Variants in GLIS3 observed in about 807,000 individuals in gnomAD.
GLIS3 encodes the protein GLIS family zinc finger 3.
GLIS3 carries 53 observed loss-of-function variants against 78.6 expected under a neutral mutation model. The observed-to-expected ratio is 0.67, with a 90% CI of 0.54 to 0.85. The LOEUF is 0.85. Ranked by LOEUF, GLIS3 falls within the 40% of genes least tolerant of loss-of-function variation. GLIS3 has a pLI of 0.00. For synonymous variants in GLIS3, 684 were observed against 509.9 expected, an observed-to-expected ratio of 1.34 and a Z score of -4.60; for missense variants, 1,703 against 1,231.1, an observed-to-expected ratio of 1.38 and a Z score of -5.74.
rs182152549 is a variant in GLIS3 at position 4,089,853 on chromosome 9, C to A, written c.1710+27915G>T. 3.9e-4 allele frequency among the ~76,000 whole-genome samples: 60 copies of A among 152,278 alleles called. 1 individual carries two copies. In the East Asian group the frequency reaches 7.7e-3, roughly 20 times the overall value. On this transcript the variant is annotated intron_variant, in intron 4 of 10. Coordinates refer to ENST00000381971, the MANE Select transcript of GLIS3 (RefSeq NM_001042413.2). ...AAAAACCCATAAAAAATTGAATTCT[C>A]AGGTGTCTCCACTAATTAGACAGTG...
chr9:3,989,124 C>T lies in GLIS3; in HGVS notation c.1711-51935G>A, dbSNP rs564602367. ...TATTTAACTAAAGAGGATATACAGA[C>T]GGTAAATAAGCATATGAGAAGATGT... On this transcript the variant is annotated intron_variant, in intron 4 of 10. Coordinates refer to ENST00000381971, the MANE Select transcript of GLIS3 (RefSeq NM_001042413.2). 3.0e-4 allele frequency among the ~76,000 whole-genome samples: 46 copies of T among 152,140 alleles called. No individual in the cohort carries two copies. In the South Asian group the frequency reaches 4.4e-3, roughly 14 times the overall value.
chr9:4,102,113 A>G (rs967352895), intron 4 of GLIS3, among the ~76,000 whole-genome samples: 1 of 152,210 alleles, frequency 6.6e-6, no homozygotes, highest in African/African-American at 2.4e-5. Context: ...CTCCACCAGA[A>G]GAAGATAAAT....
At chr9:4,263,425 G>T (rs1349193024) in intron 2 of GLIS3, among the ~76,000 whole-genome samples, 2 of 152,026 alleles carry the variant, frequency 1.3e-5, no homozygotes, top group African/African-American at 4.8e-5. Flanking sequence ...GATGCCAGGT[G>T]TATGTTTTAT....
At chr9:4,190,703 G>A (rs1352154141) in intron 2 of GLIS3, among the ~76,000 whole-genome samples, 3 of 152,064 alleles carry the variant, frequency 2.0e-5, no homozygotes, top group Non-Finnish European at 4.4e-5. Context: ...TACTCCTCGA[G>A]AAGAGCAACT....
chr9:4,462,632 C>G, the GLIS3 span, among the ~76,000 whole-genome samples: 2 of 138,990 alleles, frequency 1.4e-5, no homozygotes, highest in Non-Finnish European at 3.1e-5. Context: ...CACACACACA[C>G]AGACACGCAC....
intron 9 of GLIS3, among the ~76,000 whole-genome samples, chr9:3,852,939 T>G (rs1819526761): frequency 6.6e-6 from 1 of 152,162 alleles, no homozygotes; most frequent in Non-Finnish European, 1.5e-5. Context: ...CCAGCACAGG[T>G]GACTCACACC....
At chr9:3,964,331 G>GA (rs1192902356) in intron 4 of GLIS3, among the ~76,000 whole-genome samples, 1 of 152,038 alleles carries the variant, frequency 6.6e-6, no homozygotes, top group Non-Finnish European at 1.5e-5. Context: ...ATGTTTCAAT[G>GA]AAAAAAATCT....
intron 2 of GLIS3, among the ~76,000 whole-genome samples, chr9:4,187,982 C>G (rs1233336126): frequency 6.6e-6 from 1 of 152,042 alleles, no homozygotes; most frequent in Non-Finnish European, 1.5e-5. Flanking sequence ...ACTGAATACC[C>G]TTTATTTCCT....
chr9:4,416,822 T>TG, the GLIS3 span, among the ~76,000 whole-genome samples: 9,525 of 147,064 alleles, frequency 0.065, 693 homozygotes, highest in East Asian at 0.26. Context: ...GTTTTTTTTT[T>TG]TTTTTTTTTT....
intron 1 of GLIS3, among the ~76,000 whole-genome samples, chr9:4,287,115 T>A (rs999215896): frequency 1.3e-5 from 2 of 152,220 alleles, no homozygotes; most frequent in Non-Finnish European, 2.9e-5. Context: ...CAAATATTCA[T>A]GGCAGCATTA....
the GLIS3 span, among the ~76,000 whole-genome samples, chr9:4,369,701 T>C: frequency 6.6e-6 from 1 of 152,182 alleles, no homozygotes; most frequent in Admixed American, 6.5e-5. Context: ...CAAATGTGAT[T>C]ATTGGAAGAC....
At chr9:4,005,698 T>A (rs1273731599) in intron 4 of GLIS3, among the ~76,000 whole-genome samples, 1 of 152,180 alleles carries the variant, frequency 6.6e-6, no homozygotes, top group Non-Finnish European at 1.5e-5. Context: ...TATCAAACAT[T>A]GTAATAGCAA....
At chr9:3,952,343 C>A (rs566132087) in intron 4 of GLIS3, among the ~76,000 whole-genome samples, 5 of 152,140 alleles carry the variant, frequency 3.3e-5, no homozygotes, top group Non-Finnish European at 5.9e-5. Context: ...CTGATTTGAA[C>A]CAGAAGCCCC....
chr9:4,175,930 A>G (rs1210083265), intron 2 of GLIS3, among the ~76,000 whole-genome samples: 2 of 152,182 alleles, frequency 1.3e-5, no homozygotes, highest in African/African-American at 4.8e-5. Flanking sequence ...CAGATAGGAG[A>G]TGACATAGCC....
intron 9 of GLIS3, among the ~76,000 whole-genome samples, chr9:3,854,790 C>T (rs898240455): frequency 9.2e-5 from 14 of 152,010 alleles, no homozygotes; most frequent in African/African-American, 1.5e-4. Context: ...ATGATCCACC[C>T]GCCTCGGCCT....
rs118061238 is a variant in GLIS3 at position 4,008,342 on chromosome 9, C to T, written c.1711-71153G>A. 3.7e-3 allele frequency among the ~76,000 whole-genome samples: 570 copies of T among 152,276 alleles called. 12 individuals are homozygous for T. Among genetic ancestry groups the T allele is most frequent in the East Asian group, 0.037 (189 of 5,178 alleles). ...AGGCAGGCTCAGAAATATCCATCAG[C>T]CCCCAGTAAGAACACTGGTCCCAGA... On this transcript the variant is annotated intron_variant, in intron 4 of 10. Coordinates refer to ENST00000381971, the MANE Select transcript of GLIS3 (RefSeq NM_001042413.2).
At chr9:4,209,182 T>C (rs56315446) in intron 2 of GLIS3, among the ~76,000 whole-genome samples, 25,528 of 151,976 alleles carry the variant, frequency 0.17, 2,650 homozygotes, top group African/African-American at 0.29. Flanking sequence ...CCCAACCCCC[T>C]CATCTTATAA....
intron 2 of GLIS3, among the ~76,000 whole-genome samples, chr9:4,181,517 CCAT>C (rs1195861392): frequency 3.3e-5 from 5 of 152,186 alleles, no homozygotes; most frequent in Admixed American, 2.0e-4. Context: ...TCTTGCTTGA[CCAT>C]CATCATCACC....
At chr9:4,189,480 G>C in intron 2 of GLIS3, among the ~76,000 whole-genome samples, 1 of 152,164 alleles carries the variant, frequency 6.6e-6, no homozygotes, top group Non-Finnish European at 1.5e-5. Context: ...GTTGATTTGT[G>C]GTGCAGAGTT....
Sources: gnomAD v4.1 joint callset for allele counts (sites outside exome capture counted in the v4.1 genomes callset) on GRCh38, gnomAD v4.1.1 for gene constraint, MANE v1.5 for transcripts, NCBI Gene and HGNC (gene_info 2026-07-23, HGNC 2026-07-21) for gene names.